ARHGAP15: variants seen among roughly 807,000 people sequenced by gnomAD.
The protein encoded by ARHGAP15 is Rho GTPase activating protein 15.
A neutral mutation model predicts 63.7 loss-of-function variants in ARHGAP15; 51 were observed. The ratio of observed to expected loss-of-function variants is 0.80; its 90% confidence interval spans 0.64 to 1.01. The LOEUF (loss-of-function observed/expected upper bound fraction) is 1.01. ARHGAP15 is among the 50% of genes least tolerant of loss of function. The pLI, the probability that ARHGAP15 is intolerant of heterozygous loss-of-function variation, is 0.00. For synonymous variants in ARHGAP15, 191 were observed against 193.8 expected (o/e 0.99, Z 0.12); for missense variants, 560 against 564.6 (o/e 0.99, Z 0.08).
chr2:143,429,630 A>G (rs1261369291), intron 6 of ARHGAP15, among the ~76,000 whole-genome samples: 1 of 152,116 alleles, frequency 6.6e-6, no homozygotes, highest in Admixed American at 6.6e-5. Context: ...CATATCCAAT[A>G]AGCGTCTGGA....
chr2:143,751,762 G>A (rs527259504), intron 13 of ARHGAP15, among the ~76,000 whole-genome samples: 1 of 152,178 alleles, frequency 6.6e-6, no homozygotes, highest in African/African-American at 2.4e-5. Context: ...CCCTGTTAAT[G>A]CCCCATCACA....
intron 6 of ARHGAP15, among the ~76,000 whole-genome samples, chr2:143,265,220 G>A (rs1227896799): frequency 7.5e-6 from 1 of 133,018 alleles, no homozygotes; most frequent in Admixed American, 7.4e-5. Flanking sequence ...GTATATCTGT[G>A]ATTTTTTTTT....
At chr2:143,515,140 C>T (rs1415202097) in intron 9 of ARHGAP15, among the ~76,000 whole-genome samples, 1 of 152,040 alleles carries the variant, frequency 6.6e-6, no homozygotes. Flanking sequence ...GTAATCACAT[C>T]AGTCGTTTAA....
chr2:143,557,789 A>T (rs1695869767), intron 11 of ARHGAP15, among the ~76,000 whole-genome samples: 1 of 72,768 alleles, frequency 1.4e-5, no homozygotes, highest in South Asian at 6.0e-4. Flanking sequence ...GCTCTAAAAG[A>T]AGTCTATTAA....
At chr2:143,498,514 A>C (rs1439780410) in intron 9 of ARHGAP15, among the ~76,000 whole-genome samples, 2 of 152,226 alleles carry the variant, frequency 1.3e-5, no homozygotes, top group Non-Finnish European at 2.9e-5. Flanking sequence ...CTGGGGCAAC[A>C]GATCTGAAAA....
At chr2:143,727,266 GT>G (rs1379112039) in intron 13 of ARHGAP15, among the ~76,000 whole-genome samples, 1 of 152,198 alleles carries the variant, frequency 6.6e-6, no homozygotes, top group Non-Finnish European at 1.5e-5. Context: ...GTGATGAACA[GT>G]ACTCAGCCTA....
intron 9 of ARHGAP15, among the ~76,000 whole-genome samples, chr2:143,490,750 G>A (rs1692550472): frequency 6.6e-6 from 1 of 152,064 alleles, no homozygotes; most frequent in African/African-American, 2.4e-5. Context: ...CTCCTGAGTA[G>A]CTGGGATTAC....
chr2:143,515,847 A>G (rs1286899931), intron 9 of ARHGAP15, among the ~76,000 whole-genome samples: 1 of 152,244 alleles, frequency 6.6e-6, no homozygotes, highest in Non-Finnish European at 1.5e-5. Context: ...GCTTTATAAC[A>G]TAACCTCCAT....
At chr2:143,163,044 T>C (rs1169431345) in intron 2 of ARHGAP15, among the ~76,000 whole-genome samples, 1 of 152,058 alleles carries the variant, frequency 6.6e-6, no homozygotes, top group Non-Finnish European at 1.5e-5. Context: ...CATTATAACC[T>C]TGATTAACCT....
intron 2 of ARHGAP15, among the ~76,000 whole-genome samples, chr2:143,201,654 G>A (rs1223178979): frequency 1.3e-5 from 2 of 152,044 alleles, no homozygotes; most frequent in Non-Finnish European, 2.9e-5. Flanking sequence ...TGGAACCTCA[G>A]CCTTTCTATC....
At chr2:143,369,846 A>G (rs1686465725) in intron 6 of ARHGAP15, among the ~76,000 whole-genome samples, 1 of 151,850 alleles carries the variant, frequency 6.6e-6, no homozygotes, top group Non-Finnish European at 1.5e-5. Flanking sequence ...TCCTCCTCCT[A>G]TTATTATTAT....
Position 143,250,526 on chromosome 2 carries a change from CCAG to C in ARHGAP15, c.401_403del (p.Pro134_Glu135delinsGln). 6.2e-7 allele frequency: 1 copy of C among 1,613,254 alleles called. No homozygotes were observed. Among genetic ancestry groups the C allele is most frequent in the Non-Finnish European group, 8.5e-7 (1 of 1,179,412 alleles). On this transcript the variant is annotated inframe_deletion, in exon 6 of 14. Coordinates refer to ENST00000295095, the MANE Select transcript of ARHGAP15 (RefSeq NM_018460.4). ...GTGATTACAGAAAACTGGGCACAAA[CCAG>C]AAAGTGTGGATTTGTGTGGAGCACA...
At chr2:143,164,392 A>G (rs996664186) in intron 2 of ARHGAP15, among the ~76,000 whole-genome samples, 1 of 152,082 alleles carries the variant, frequency 6.6e-6, no homozygotes, top group Non-Finnish European at 1.5e-5. Context: ...CAATGTGGCA[A>G]TCTCACGGAA....
intron 12 of ARHGAP15, among the ~76,000 whole-genome samples, chr2:143,638,431 C>T (rs1238487058): frequency 2.2e-5 from 3 of 135,048 alleles, no homozygotes; most frequent in Non-Finnish European, 4.7e-5. Context: ...TATTCTCACT[C>T]ATAGGTGGGA....
At chr2:143,435,732 A>G (rs1574446096) in intron 7 of ARHGAP15, 33 bp downstream of exon 7, 7 of 1,585,454 alleles carry the variant, frequency 4.4e-6, no homozygotes, top group Middle Eastern at 1.7e-4. Context: ...ACCTTTATTA[A>G]TTAAAATGTA....
Position 143,724,051 on chromosome 2 carries a change from ATGTG to A in ARHGAP15, c.1244+20547_1244+20550del, listed in dbSNP as rs70982882. Reference sequence around the variant, plus strand: ...AATAATACCTAATTTATCCACCTTCATGTGTGTGTGTGTGTGTGTGTGTATGTGT... The same window carrying A: ...AATAATACCTAATTTATCCACCTTCATGTGTGTGTGTGTGTGTGTATGTGT... On this transcript the variant is annotated intron_variant, in intron 13 of 13. Coordinates refer to ENST00000295095, the MANE Select transcript of ARHGAP15 (RefSeq NM_018460.4). 3.1e-3 allele frequency among the ~76,000 whole-genome samples: 472 copies of A among 149,958 alleles called. 16 individuals carry two copies. Among genetic ancestry groups the A allele is most frequent in the Admixed American group, 0.023 (349 of 15,074 alleles).
At chr2:143,306,182 G>C (rs561482929) in intron 6 of ARHGAP15, among the ~76,000 whole-genome samples, 28 of 152,156 alleles carry the variant, frequency 1.8e-4, no homozygotes, top group African/African-American at 5.5e-4. Context: ...TGAAAATACT[G>C]CGTGACAGAA....
chr2:143,542,564 G>C (rs1207187493), intron 10 of ARHGAP15, among the ~76,000 whole-genome samples: 1 of 148,768 alleles, frequency 6.7e-6, no homozygotes, highest in African/African-American at 2.5e-5. Context: ...TATTCCATTT[G>C]TGTGTGTGTG....
chr2:143,530,808 A>T (rs1694492680), intron 10 of ARHGAP15, among the ~76,000 whole-genome samples: 1 of 152,198 alleles, frequency 6.6e-6, no homozygotes, highest in South Asian at 2.1e-4. Flanking sequence ...GTCCTCACAG[A>T]TGTCCACAGT....
Sources: gnomAD v4.1 joint callset for allele counts (sites outside exome capture counted in the v4.1 genomes callset) on GRCh38, gnomAD v4.1.1 for gene constraint, MANE v1.5 for transcripts, NCBI Gene and HGNC (gene_info 2026-07-23, HGNC 2026-07-21) for gene names.